CCSER1: variants seen among roughly 807,000 people sequenced by gnomAD.
CCSER1 encodes coiled-coil serine rich protein 1.
In CCSER1, 41 loss-of-function variants were observed where a neutral mutation model predicts 82.0. That is an observed-to-expected ratio of 0.50 (90% CI 0.39 to 0.65). The LOEUF is 0.65. Ranked by LOEUF, CCSER1 falls within the 30% of genes least tolerant of loss-of-function variation. The pLI is 0.00. For missense variants in CCSER1, 1,119 were observed against 1,064.2 expected (o/e 1.05, Z -0.72); for synonymous variants, 414 against 383.9 (o/e 1.08, Z -0.92).
At chr4:91,072,998 G>T (rs1236142094) in intron 9 of CCSER1, among the ~76,000 whole-genome samples, 1 of 151,866 alleles carries the variant, frequency 6.6e-6, no homozygotes, top group Non-Finnish European at 1.5e-5. Flanking sequence ...TTTTTACAAA[G>T]ACAGAACCTT....
At chr4:91,482,893 A>G (rs1019487016) in intron 10 of CCSER1, among the ~76,000 whole-genome samples, 3 of 152,046 alleles carry the variant, frequency 2.0e-5, no homozygotes, top group African/African-American at 4.8e-5. Flanking sequence ...GAATTGAACA[A>G]TGAGAACACT....
chr4:91,443,416 AAC>A (rs1238643935), intron 10 of CCSER1, among the ~76,000 whole-genome samples: 1 of 150,034 alleles, frequency 6.7e-6, no homozygotes, highest in East Asian at 2.0e-4. Context: ...CAAAAAACCA[AAC>A]ACTGCATGTT....
intron 10 of CCSER1, among the ~76,000 whole-genome samples, chr4:91,356,742 A>T (rs577072685): frequency 2.2e-4 from 34 of 152,282 alleles, no homozygotes; most frequent in African/African-American, 7.9e-4. Context: ...CAGGTCTCCA[A>T]GGAATGCTAA....
At chr4:91,111,780 C>A (rs1406494686) in intron 10 of CCSER1, among the ~76,000 whole-genome samples, 5 of 144,088 alleles carry the variant, frequency 3.5e-5, no homozygotes, top group African/African-American at 1.3e-4. Flanking sequence ...CCGGGAATCA[C>A]TGAAGCAAGA....
intron 1 of CCSER1, among the ~76,000 whole-genome samples, chr4:90,163,376 G>C (rs1729839040): frequency 6.6e-6 from 1 of 152,106 alleles, no homozygotes; most frequent in African/African-American, 2.4e-5. Flanking sequence ...CTTGAATTTG[G>C]TTTACTTTGT....
At chr4:90,773,611 C>G (rs1752519233) in intron 7 of CCSER1, among the ~76,000 whole-genome samples, 1 of 152,238 alleles carries the variant, frequency 6.6e-6, no homozygotes, top group African/African-American at 2.4e-5. Flanking sequence ...TTTATCCACC[C>G]TAAATTACAT....
intron 10 of CCSER1, among the ~76,000 whole-genome samples, chr4:91,131,144 G>T (rs1727953768): frequency 6.6e-6 from 1 of 151,816 alleles, no homozygotes; most frequent in African/African-American, 2.4e-5. Flanking sequence ...AAACAATTGT[G>T]TAAATAATAG....
chr4:90,545,828 A>C (rs1776687813), intron 5 of CCSER1, among the ~76,000 whole-genome samples: 1 of 152,206 alleles, frequency 6.6e-6, no homozygotes, highest in African/African-American at 2.4e-5. Flanking sequence ...TTTCCTTTAA[A>C]ACAAGAATTT....
At chr4:91,465,456 A>C (rs1411164883) in intron 10 of CCSER1, among the ~76,000 whole-genome samples, 4 of 152,084 alleles carry the variant, frequency 2.6e-5, no homozygotes, top group Non-Finnish European at 5.9e-5. Flanking sequence ...GAGAAGCAAG[A>C]GCAAACATAT....
intron 10 of CCSER1, among the ~76,000 whole-genome samples, chr4:91,446,576 TC>T (rs1755569037): frequency 1.9e-5 from 1 of 53,314 alleles, no homozygotes; most frequent in Non-Finnish European, 3.8e-5. Flanking sequence ...TTCTTTCTAT[TC>T]TTTGTGTGTG....
chr4:91,246,887 A>G (rs1739830301), intron 10 of CCSER1, among the ~76,000 whole-genome samples: 1 of 151,938 alleles, frequency 6.6e-6, no homozygotes, highest in Non-Finnish European at 1.5e-5. Context: ...GAAGAGACTC[A>G]ACAATATTTG....
chr4:90,518,260 C>T lies in CCSER1; in HGVS notation c.1724+49906C>T, dbSNP rs114387458. ...GCTTAATTTCAGCCCTGATCTGGAT[C>T]TATGAAGAGCTTTGGTACTTACTTC... On this transcript the variant is annotated intron_variant, in intron 5 of 10. Transcript: ENST00000509176. Among the ~76,000 whole-genome samples, 1,152 of 152,150 alleles carry T rather than the reference C, an allele frequency of 7.6e-3. 5 individuals carry two copies. Among genetic ancestry groups the T allele is most frequent in the African/African-American group, 0.019 (783 of 41,542 alleles).
At chr4:90,261,018 G>C (rs1377897328) in intron 1 of CCSER1, among the ~76,000 whole-genome samples, 1 of 152,114 alleles carries the variant, frequency 6.6e-6, no homozygotes, top group Non-Finnish European at 1.5e-5. Flanking sequence ...ACCTGGCTAG[G>C]TGTTGGTTTT....
At chr4:90,531,581 A>G (rs1286856072) in intron 5 of CCSER1, among the ~76,000 whole-genome samples, 2 of 152,136 alleles carry the variant, frequency 1.3e-5, no homozygotes, top group African/African-American at 4.8e-5. Context: ...TTGAATGTCA[A>G]ATGTTTAAAG....
intron 10 of CCSER1, among the ~76,000 whole-genome samples, chr4:91,184,460 G>T (rs1734339291): frequency 6.6e-6 from 1 of 152,142 alleles, no homozygotes; most frequent in Non-Finnish European, 1.5e-5. Context: ...GCTCCCATAG[G>T]TTGTATAACT....
At chr4:90,466,869 A>T (rs1000234853) in intron 4 of CCSER1, among the ~76,000 whole-genome samples, 16 of 152,312 alleles carry the variant, frequency 1.1e-4, no homozygotes, top group African/African-American at 3.6e-4. Flanking sequence ...ATATTTTTCC[A>T]ATATAAATAA....
intron 4 of CCSER1, among the ~76,000 whole-genome samples, chr4:90,461,394 G>A (rs1762907443): frequency 6.6e-6 from 1 of 152,086 alleles, no homozygotes; most frequent in Non-Finnish European, 1.5e-5. Flanking sequence ...ATATAAAGCT[G>A]ATCATGTTGC....
intron 8 of CCSER1, among the ~76,000 whole-genome samples, chr4:90,849,790 TAA>T (rs750879193): frequency 1.2e-3 from 95 of 76,988 alleles, no homozygotes; most frequent in South Asian, 4.4e-3. Context: ...CTCCATCTCA[TAA>T]AAAAAAAAAA....
chr4:90,232,005 C>T lies in CCSER1; in HGVS notation c.-41-76239C>T, dbSNP rs888383023. 7.9e-5 allele frequency among the ~76,000 whole-genome samples: 12 copies of T among 152,030 alleles called. No individual in the cohort carries two copies. In the South Asian group the frequency reaches 8.3e-4, roughly 11 times the overall value. On this transcript the variant is annotated intron_variant, in intron 1 of 10. Transcript: ENST00000509176. Reference sequence around the variant, plus strand: ...AACAAATGGAAGAACATTCCATGCTCATGGGTAGGAAGAATCAATATCTTG... The same window carrying T: ...AACAAATGGAAGAACATTCCATGCTTATGGGTAGGAAGAATCAATATCTTG...
Sources: allele counts gnomAD v4.1 joint callset (sites outside exome capture counted in the v4.1 genomes callset), GRCh38; gene constraint gnomAD v4.1.1; transcripts MANE v1.5; gene names NCBI Gene and HGNC (gene_info 2026-07-23, HGNC 2026-07-21).